Variants in KAZN observed in about 807,000 individuals in gnomAD.
KAZN encodes the protein kazrin, periplakin interacting protein.
A neutral mutation model predicts 87.4 loss-of-function variants in KAZN; 40 were observed. The ratio of observed to expected loss-of-function variants is 0.46; its 90% confidence interval spans 0.36 to 0.60. The LOEUF is 0.60. Among genes scored for constraint, KAZN ranks in the 20% least tolerant of loss-of-function variants. The probability of loss-of-function intolerance (pLI) is 0.00; values close to 1 mark genes in which losing one functional copy is unlikely to be tolerated. For missense variants in KAZN, 898 were observed against 1,073.9 expected, an observed-to-expected ratio of 0.84 and a Z score of 2.29; for synonymous variants, 466 against 458.3, an observed-to-expected ratio of 1.02 and a Z score of -0.22.
upstream of KAZN, among the ~76,000 whole-genome samples, chr1:14,595,872 A>C (rs532270824): frequency 3.3e-5 from 5 of 152,010 alleles, no homozygotes; most frequent in Admixed American, 1.3e-4. Flanking sequence ...AGGAAAAAAA[A>C]CTCTCAAAAA....
chr1:14,822,584 G>A (rs1296691578), intron 1 of KAZN, among the ~76,000 whole-genome samples: 2 of 152,166 alleles, frequency 1.3e-5, no homozygotes, highest in Non-Finnish European at 2.9e-5. Flanking sequence ...TTCCGTCCCT[G>A]TGCAGTAGTT....
intron 1 of KAZN, among the ~76,000 whole-genome samples, chr1:14,884,744 G>T (rs765959663): frequency 1.4e-4 from 21 of 152,232 alleles, no homozygotes; most frequent in Non-Finnish European, 2.8e-4. Context: ...TCCCAGGTAA[G>T]ACCCATGCTG....
chr1:14,543,964 C>A (rs1384491082), intron 2 of KAZN, among the ~76,000 whole-genome samples: 4 of 152,176 alleles, frequency 2.6e-5, no homozygotes, highest in Non-Finnish European at 2.9e-5. Context: ...TGAATGGATT[C>A]TCTAAGATTG....
At chr1:14,055,068 T>C (rs909082277) in intron 1 of KAZN, among the ~76,000 whole-genome samples, 4 of 152,186 alleles carry the variant, frequency 2.6e-5, no homozygotes, top group African/African-American at 9.7e-5. Flanking sequence ...CCAGTTGTGA[T>C]AACCAAAAAT....
At chr1:14,139,195 A>C (rs1645178726) in intron 1 of KAZN, among the ~76,000 whole-genome samples, 1 of 151,896 alleles carries the variant, frequency 6.6e-6, no homozygotes, top group Admixed American at 6.6e-5. Context: ...GACAGTGGCC[A>C]CTCCTTTGCT....
At chr1:14,849,523 G>A (rs145679150) in intron 1 of KAZN, among the ~76,000 whole-genome samples, 100 of 152,274 alleles carry the variant, frequency 6.6e-4, no homozygotes, top group African/African-American at 2.3e-3. Flanking sequence ...AGGGCTTATG[G>A]GAATAGGGTT....
intron 2 of KAZN, among the ~76,000 whole-genome samples, chr1:14,228,950 A>T (rs915280605): frequency 6.6e-6 from 1 of 152,186 alleles, no homozygotes; most frequent in African/African-American, 2.4e-5. Context: ...TCAGTATGTT[A>T]TCCACATGGC....
intron 1 of KAZN, among the ~76,000 whole-genome samples, chr1:14,149,110 T>TTTTTTG (rs1645417908): frequency 7.3e-6 from 1 of 137,566 alleles, no homozygotes; most frequent in Non-Finnish European, 1.6e-5. Flanking sequence ...TTTCCTTTTT[T>TTTTTTG]TTTTTTTTTT....
intron 1 of KAZN, among the ~76,000 whole-genome samples, chr1:14,827,383 G>C (rs1018655641): frequency 6.6e-6 from 1 of 152,166 alleles, no homozygotes; most frequent in Admixed American, 6.5e-5. Context: ...TGAACCCAAC[G>C]TGTAGCCTTT....
chr1:14,047,909 G>GA (rs910150935), intron 1 of KAZN, among the ~76,000 whole-genome samples: 517 of 151,186 alleles, frequency 3.4e-3, no homozygotes, highest in African/African-American at 0.012. Context: ...AGGAAGGAAA[G>GA]AAAGAAAGAA....
intron 1 of KAZN, among the ~76,000 whole-genome samples, chr1:14,879,736 G>T (rs1312119935): frequency 6.6e-6 from 1 of 152,178 alleles, no homozygotes. Flanking sequence ...TTTGAATTGT[G>T]TGACTATGCG....
intron 2 of KAZN, among the ~76,000 whole-genome samples, chr1:14,555,917 G>A (rs1340491393): frequency 6.6e-6 from 1 of 152,160 alleles, no homozygotes; most frequent in Non-Finnish European, 1.5e-5. Flanking sequence ...AACTTGCCTT[G>A]AAATCAAGAT....
intron 1 of KAZN, among the ~76,000 whole-genome samples, chr1:14,941,015 A>G (rs138882383): frequency 0.04 from 5,667 of 142,652 alleles, 328 homozygotes; most frequent in African/African-American, 0.13. Context: ...TCCCGGGTTC[A>G]AGTGATTCTC....
At chr1:14,355,042 C>T (rs981862352) in intron 2 of KAZN, among the ~76,000 whole-genome samples, 6 of 152,030 alleles carry the variant, frequency 3.9e-5, no homozygotes, top group African/African-American at 1.4e-4. Context: ...CTGCTGATAC[C>T]TGTAACAAGG....
chr1:14,403,940 G>GA (rs60985549), intron 2 of KAZN, among the ~76,000 whole-genome samples: 1 of 151,678 alleles, frequency 6.6e-6, no homozygotes, highest in Non-Finnish European at 1.5e-5. Flanking sequence ...TGCGCAGAGA[G>GA]GTCCCGGAGA....
intron 2 of KAZN, among the ~76,000 whole-genome samples, chr1:14,334,572 G>T (rs879822340): frequency 5.3e-5 from 8 of 152,090 alleles, no homozygotes; most frequent in South Asian, 2.1e-4. Context: ...CATGGAAGAG[G>T]TGTGGCCATC....
intron 1 of KAZN, among the ~76,000 whole-genome samples, chr1:14,647,665 G>A (rs964326957): frequency 1.3e-5 from 2 of 152,148 alleles, no homozygotes; most frequent in Non-Finnish European, 2.9e-5. Flanking sequence ...GGGAATCGGG[G>A]CCTGGTATTG....
At chr1:15,051,880 C>T (rs928902312) in intron 4 of KAZN, among the ~76,000 whole-genome samples, 1 of 152,200 alleles carries the variant, frequency 6.6e-6, no homozygotes, top group African/African-American at 2.4e-5. Context: ...GGTTACACAG[C>T]AAGTTAAGTG....
intron 1 of KAZN, among the ~76,000 whole-genome samples, chr1:14,013,319 C>T (rs998583636): frequency 6.6e-6 from 1 of 152,116 alleles, no homozygotes; most frequent in South Asian, 2.1e-4. Flanking sequence ...AGTTGTTCCT[C>T]GATCTAGGTT....
Sources: gnomAD v4.1 joint callset for allele counts (sites outside exome capture counted in the v4.1 genomes callset) on GRCh38, gnomAD v4.1.1 for gene constraint, MANE v1.5 for transcripts, NCBI Gene and HGNC (gene_info 2026-07-23, HGNC 2026-07-21) for gene names.